The following ASPG variants were observed in gnomAD, a reference collection of about 807,000 sequenced individuals.
ASPG encodes the protein asparaginase.
In ASPG, 53 loss-of-function variants were observed where a neutral mutation model predicts 63.2. That is an observed-to-expected ratio of 0.84 (90% CI 0.67 to 1.05). The LOEUF (loss-of-function observed/expected upper bound fraction) is 1.05. Among genes scored for constraint, ASPG ranks in the 50% least tolerant of loss-of-function variants. ASPG has a pLI of 0.00. For synonymous variants in ASPG, 370 were observed against 355.0 expected, an observed-to-expected ratio of 1.04 and a Z score of -0.48; for missense variants, 741 against 794.4, an observed-to-expected ratio of 0.93 and a Z score of 0.81.
At chr14:104,103,175 C>T (rs943395402) in intron 6 of ASPG, among the ~76,000 whole-genome samples, 2 of 152,260 alleles carry the variant, frequency 1.3e-5, no homozygotes, top group Admixed American at 6.5e-5. Context: ...CCTCTGCGCT[C>T]GCCTGACGCC....
intron 1 of ASPG, 66 bp downstream of exon 1, chr14:104,085,918 C>T: frequency 7.0e-7 from 1 of 1,436,956 alleles, no homozygotes; most frequent in East Asian, 2.7e-5. Context: ...CTCGGACCCT[C>T]CTGCACCCAC....
intron 2 of ASPG, chr14:104,093,159 C>G: frequency 2.0e-6 from 1 of 504,004 alleles, no homozygotes; most frequent in Non-Finnish European, 3.6e-6. Context: ...CTCGTGGTGG[C>G]TGACCACCAC....
At chr14:104,085,955 G>T (rs992876609) in intron 1 of ASPG, 103 bp downstream of exon 1, 16 of 1,089,428 alleles carry the variant, frequency 1.5e-5, no homozygotes, top group Admixed American at 9.7e-5. Flanking sequence ...TCAAATCCGC[G>T]CCTGGATGGG....
At chr14:104,089,964 A>G (rs1228951383) in intron 1 of ASPG, among the ~76,000 whole-genome samples, 1 of 151,114 alleles carries the variant, frequency 6.6e-6, no homozygotes, top group Non-Finnish European at 1.5e-5. Context: ...AAAAAAAAAA[A>G]AAAAAAAAAA....
chr14:104,107,361 C>A lies in ASPG; in HGVS notation c.1433+16C>A. 1 of 1,507,374 alleles carries A rather than the reference C, an allele frequency of 6.6e-7. No homozygotes were observed. The highest frequency in any genetic ancestry group is 2.2e-5 in the Admixed American group (1 of 46,210). 93.4% of individuals were successfully genotyped at this position (1,507,374 alleles called of 1,614,324 possible). ...TGCGGGGCAGGTAATGGAGCTAGGGCTGCACAGAGCTGCCTTGGACAGGTG... is the reference window on the plus strand; with the variant it reads ...TGCGGGGCAGGTAATGGAGCTAGGGATGCACAGAGCTGCCTTGGACAGGTG... On this transcript the variant is annotated intron_variant, in intron 12 of 15. Coordinates refer to ENST00000551177, the MANE Select transcript of ASPG (RefSeq NM_001080464.3).
rs1566824270 is a variant in ASPG, at chr14:104,092,694, G to GGAGCACGCCC, written c.149_158dup (p.Gly55ProfsTer7). 2 of 1,537,856 alleles carry GGAGCACGCCC rather than the reference G, an allele frequency of 1.3e-6. No individual in the cohort carries two copies. Among genetic ancestry groups the GGAGCACGCCC allele is most frequent in the African/African-American group, 1.4e-5 (1 of 73,080 alleles). The stretch of plus-strand genomic sequence containing the variant: ...GGACACTGCCCATGTTCCATGACGA[G>GGAGCACGCCC]GAGCACGCCCGAGCCCGCGGCCTCT... On this transcript the variant is annotated frameshift_variant, in exon 2 of 16. Transcript: ENST00000551177. LOFTEE classifies it high-confidence loss of function.
Position 104,103,654 on chromosome 14 carries a change from C to T in ASPG, c.732C>T (p.Tyr244=). 3 of 1,547,892 alleles carry T rather than the reference C, an allele frequency of 1.9e-6. No homozygotes were observed. The highest frequency in any genetic ancestry group is 2.6e-6 in the Non-Finnish European group (3 of 1,146,654). Residue 244 remains tyrosine (Y), a synonymous_variant, in exon 7 of 16, where the codon TAC becomes TAT. Coordinates refer to ENST00000551177, the MANE Select transcript of ASPG (RefSeq NM_001080464.3). ...MEQDVGLLRL[Y]PGIPAALVRA... is the part of the protein sequence containing the mutation. The stretch of plus-strand genomic sequence containing the variant: ...AGGACGTGGGCCTGCTGCGCCTCTA[C>T]CCTGGGATCCCTGCCGCCCTGGTAG...
Position 104,092,699 on chromosome 14 carries a change from A to C in ASPG, c.149A>C (p.His50Pro). 6.5e-7 allele frequency: 1 copy of C among 1,537,768 alleles called. No homozygotes were observed. The highest frequency in any genetic ancestry group is 8.7e-7 in the Non-Finnish European group (1 of 1,147,580). Residue 50 changes from histidine to proline, a missense_variant, in exon 2 of 16, where the codon CAC becomes CCC. By Grantham distance (77) the His-to-Pro change is moderately conservative. Coordinates refer to ENST00000551177, the MANE Select transcript of ASPG (RefSeq NM_001080464.3). ...RTLPMFHDEE[H>P]ARARGLSEDT... is the part of the protein sequence containing the mutation. ...CTGCCCATGTTCCATGACGAGGAGC[A>C]CGCCCGAGCCCGCGGCCTCTCTGAG...
intron 2 of ASPG, 112 bp from the exon 3 acceptor site, chr14:104,093,379 G>T (rs766441493): frequency 1.1e-5 from 11 of 990,196 alleles, no homozygotes; most frequent in Admixed American, 1.8e-5. Context: ...AGCCCTTGGC[G>T]TAGGGGCCCC....
In ASPG at chr14:104,113,251, G is replaced by C. The variant is rs2037425298; in HGVS notation, c.*707G>C. 6.5e-6 allele frequency: 1 copy of C among 152,952 alleles called. No individual in the cohort carries two copies. 9.5% of individuals were successfully genotyped at this position (152,952 alleles called of 1,614,324 possible). On this transcript the variant is annotated 3_prime_UTR_variant, in exon 16 of 16. Transcript: ENST00000551177. ...TGGGGACCATTCCAGCCCCTGCTCTGCCTGAAGCTCCTGATGCAGCCTCCA... is the reference window on the plus strand; with the variant it reads ...TGGGGACCATTCCAGCCCCTGCTCTCCCTGAAGCTCCTGATGCAGCCTCCA...
chr14:104,088,838 G>A (rs2036289181), intron 1 of ASPG, among the ~76,000 whole-genome samples: 1 of 152,142 alleles, frequency 6.6e-6, no homozygotes, highest in South Asian at 2.1e-4. Flanking sequence ...AGGGGGCTGA[G>A]GAGTTTCCAA....
intron 12 of ASPG, chr14:104,108,950 G>A (rs1384715752): frequency 2.0e-6 from 2 of 985,410 alleles, no homozygotes; most frequent in Non-Finnish European, 1.2e-6. Flanking sequence ...TGGGTGCTGG[G>A]TGCGGGGCTG....
At chr14:104,100,369 CTG>C (rs2141017016) in intron 6 of ASPG, among the ~76,000 whole-genome samples, 1 of 152,232 alleles carries the variant, frequency 6.6e-6, no homozygotes, top group South Asian at 2.1e-4. Context: ...AAGACAAGGC[CTG>C]TGTGTGGGAG....
chr14:104,093,629 GGGC>G (rs1456965219), intron 3 of ASPG, 27 bp downstream of exon 3: 2 of 1,062,304 alleles, frequency 1.9e-6, no homozygotes, highest in African/African-American at 1.2e-4. Flanking sequence ...ATGCTGGGTG[GGGC>G]TGTGGTGTGT....
intron 12 of ASPG, chr14:104,108,497 A>G (rs2141051981): frequency 1.0e-6 from 1 of 985,316 alleles, no homozygotes; most frequent in Non-Finnish European, 1.2e-6. Flanking sequence ...TGAGTGGGGT[A>G]TGGGGAGGCC....
At position 104,091,331 on chromosome 14, in the gene ASPG, G is replaced by A. The variant is rs1196726676; in HGVS notation, c.83-1302G>A. On this transcript the variant is annotated intron_variant, in intron 1 of 15. Coordinates refer to ENST00000551177, the MANE Select transcript of ASPG (RefSeq NM_001080464.3). The surrounding 1 kb of genome is among the most constrained non-coding windows in gnomAD (Gnocchi z 6.4). ...ATCCAGACCTTTGTTCCGGCAGCCC[G>A]TGTCCTGGCTGTGCTCTGGGCGCCT... 6.6e-6 allele frequency among the ~76,000 whole-genome samples: 1 copy of A among 152,120 alleles called. No homozygotes were observed. Among genetic ancestry groups the A allele is most frequent in the Non-Finnish European group, 1.5e-5 (1 of 68,028 alleles).
Position 104,114,678 on chromosome 14 carries a change from G to T in ASPG, c.*2134G>T, listed in dbSNP as rs1321230193. The T allele has an allele frequency of 6.6e-6, 1 of 152,494 alleles. No homozygotes were observed. Among genetic ancestry groups the T allele is most frequent in the East Asian group, 1.9e-4 (1 of 5,192 alleles). The allele number at this position is 152,494 out of a possible 1,614,324, so 9.4% of individuals were successfully genotyped here. On this transcript the variant is annotated 3_prime_UTR_variant, in exon 16 of 16. Transcript: ENST00000551177. ...AGCTGGGCAGTGACCTGGCCCCAAGGCCTCTGGCTCTCTGGCGTGCAGTGG... is the reference window on the plus strand; with the variant it reads ...AGCTGGGCAGTGACCTGGCCCCAAGTCCTCTGGCTCTCTGGCGTGCAGTGG...
chr14:104,109,291 AG>A lies in ASPG; in HGVS notation c.1498del (p.Glu500LysfsTer90). 6.2e-7 allele frequency: 1 copy of A among 1,612,470 alleles called. No individual in the cohort carries two copies. The highest frequency in any genetic ancestry group is 8.5e-7 in the Non-Finnish European group (1 of 1,179,580). On this transcript the variant is annotated frameshift_variant, in exon 13 of 16. Transcript: ENST00000551177. LOFTEE classifies it high-confidence loss of function. The surrounding 1 kb of genome is among the most constrained non-coding windows in gnomAD (Gnocchi z 4.8). Reference sequence around the variant, plus strand: ...GCCTCCCTGTCCACCCAGGAGCTGGAGGAAGCAGGGACGGAGCTGTGCAGGT... The same window carrying A: ...GCCTCCCTGTCCACCCAGGAGCTGGAGAAGCAGGGACGGAGCTGTGCAGGT... Reference protein sequence around the residue: ...AGASLSTQELEEAGTELCRLA... With the variant: ...AGASLSTQELXEAGTELCRLA...
At chr14:104,112,075 G>T (rs889551770) in intron 15 of ASPG, 75 bp downstream of exon 15, 41 of 1,401,848 alleles carry the variant, frequency 2.9e-5, no homozygotes, top group African/African-American at 2.6e-4. Flanking sequence ...GGCTCGGGGG[G>T]GCGTAATCAA....
Sources: allele counts gnomAD v4.1 joint callset (sites outside exome capture counted in the v4.1 genomes callset), GRCh38; gene constraint gnomAD v4.1.1; non-coding constraint Gnocchi (gnomAD v3.1); transcripts MANE v1.5; gene names NCBI Gene and HGNC (gene_info 2026-07-23, HGNC 2026-07-21).